Variants in KAZN observed in about 807,000 individuals in gnomAD.
The protein encoded by KAZN is kazrin, periplakin interacting protein, also known as kazrin.
KAZN carries 40 observed loss-of-function variants against 87.4 expected under a neutral mutation model. The ratio of observed to expected loss-of-function variants is 0.46; its 90% CI spans 0.36 to 0.60. The LOEUF (loss-of-function observed/expected upper bound fraction) is 0.60. Ranked by LOEUF, KAZN falls within the 20% of genes least tolerant of loss-of-function variation. KAZN has a pLI of 0.00. For synonymous variants in KAZN, 466 were observed against 458.3 expected, an observed-to-expected ratio of 1.02 and a Z score of -0.22; for missense variants, 898 against 1,073.9, an observed-to-expected ratio of 0.84 and a Z score of 2.29.
At chr1:14,883,392 AAAGAAAGAAAGAAAGAAAGAAAG>A (rs1163672206) in intron 1 of KAZN, among the ~76,000 whole-genome samples, 5 of 135,624 alleles carry the variant, frequency 3.7e-5, no homozygotes, top group African/African-American at 1.2e-4. Context: ...AGAAAGAAAG[AAAGAAAGAAAGAAAGAAAGAAAG>A]AAAGAAAGAA....
chr1:14,054,210 G>T (rs774474452), intron 1 of KAZN, among the ~76,000 whole-genome samples: 4 of 151,828 alleles, frequency 2.6e-5, no homozygotes, highest in Non-Finnish European at 5.9e-5. Flanking sequence ...TCAAACTTAT[G>T]TTGTTCTAAG....
chr1:14,417,219 A>G (rs1265595839), intron 2 of KAZN, among the ~76,000 whole-genome samples: 2 of 151,850 alleles, frequency 1.3e-5, no homozygotes, highest in Non-Finnish European at 2.9e-5. Context: ...AAAAACAATA[A>G]TCCTAGGTAC....
intron 2 of KAZN, among the ~76,000 whole-genome samples, chr1:14,334,171 G>C (rs954003554): frequency 2.0e-5 from 3 of 151,952 alleles, no homozygotes; most frequent in South Asian, 2.1e-4. Flanking sequence ...TTCTAGACCA[G>C]CCTGACCAAC....
At chr1:14,297,123 A>C (rs139259866) in intron 2 of KAZN, among the ~76,000 whole-genome samples, 2 of 152,194 alleles carry the variant, frequency 1.3e-5, no homozygotes, top group African/African-American at 4.8e-5. Context: ...GCTTACATAG[A>C]GGGGCTTATT....
chr1:14,145,297 T>G (rs1645322067), intron 1 of KAZN, among the ~76,000 whole-genome samples: 1 of 151,994 alleles, frequency 6.6e-6, no homozygotes, highest in Admixed American at 6.6e-5. Flanking sequence ...ATTTAAAAAT[T>G]AGCCGGGCAT....
At chr1:14,839,412 C>T (rs1647667581) in intron 1 of KAZN, among the ~76,000 whole-genome samples, 1 of 152,140 alleles carries the variant, frequency 6.6e-6, no homozygotes, top group South Asian at 2.1e-4. Context: ...CTGGCATAAA[C>T]ATTCAATAAA....
chr1:14,128,801 G>T (rs889523562), intron 1 of KAZN, among the ~76,000 whole-genome samples: 11 of 152,150 alleles, frequency 7.2e-5, no homozygotes, highest in Admixed American at 6.5e-4. Flanking sequence ...GAGACTGGAA[G>T]CCACCCCAGA....
At chr1:15,059,137 G>A (rs1459574938) in intron 5 of KAZN, among the ~76,000 whole-genome samples, 1 of 148,640 alleles carries the variant, frequency 6.7e-6, no homozygotes, top group Admixed American at 6.7e-5. Context: ...GAGTCTTGCT[G>A]TGTTGCCCAG....
Position 14,373,475 on chromosome 1 carries a change from T to C in KAZN, c.249+192883T>C, listed in dbSNP as rs559736791. 5.9e-4 allele frequency among the ~76,000 whole-genome samples: 90 copies of C among 152,242 alleles called. No homozygotes were observed. The South Asian group carries it at 0.018, about 31-fold the overall frequency. ...TCTTCTGCCTTTTTGTCAATAAATA[T>C]TCAGACCCTCACTTTGGGAAGGGCA... On this transcript the variant is annotated intron_variant, in intron 2 of 16. Coordinates refer to the KAZN transcript ENST00000636203.
intron 2 of KAZN, among the ~76,000 whole-genome samples, chr1:14,985,363 C>T (rs533833305): frequency 6.7e-6 from 1 of 150,030 alleles, no homozygotes; most frequent in African/African-American, 2.5e-5. Flanking sequence ...GACCTTGTCT[C>T]TATAAAACAT....
intron 3 of KAZN, among the ~76,000 whole-genome samples, chr1:15,035,843 T>TA (rs1053126915): frequency 5.3e-5 from 8 of 152,132 alleles, no homozygotes; most frequent in African/African-American, 1.9e-4. Context: ...GCCTCTGTTT[T>TA]CTGCCCTGCG....
intron 2 of KAZN, among the ~76,000 whole-genome samples, chr1:14,338,711 C>A (rs1657464605): frequency 6.6e-6 from 1 of 152,180 alleles, no homozygotes; most frequent in African/African-American, 2.4e-5. Flanking sequence ...TGTGTTCAAT[C>A]TGGCAGGGTA....
intron 1 of KAZN, among the ~76,000 whole-genome samples, chr1:13,977,112 G>C (rs1238813231): frequency 6.6e-6 from 1 of 152,206 alleles, no homozygotes. Flanking sequence ...AGAGGAGGTA[G>C]AGAGATCCTT....
intron 2 of KAZN, among the ~76,000 whole-genome samples, chr1:14,395,950 C>T (rs1209518030): frequency 2.6e-5 from 4 of 151,976 alleles, no homozygotes; most frequent in African/African-American, 4.8e-5. Flanking sequence ...AGGTAGATCA[C>T]GAGGTCAGAC....
chr1:14,487,105 A>G (rs1051930000), intron 2 of KAZN, among the ~76,000 whole-genome samples: 2 of 152,162 alleles, frequency 1.3e-5, no homozygotes, highest in African/African-American at 4.8e-5. Flanking sequence ...AGGACACTGG[A>G]CTAAATCAAC....
chr1:14,959,157 G>A (rs1663533924), intron 1 of KAZN, among the ~76,000 whole-genome samples: 2 of 152,186 alleles, frequency 1.3e-5, no homozygotes, highest in Non-Finnish European at 1.5e-5. Context: ...TAGCAGTGAT[G>A]GACACAGACA....
intron 1 of KAZN, among the ~76,000 whole-genome samples, chr1:14,113,724 T>C (rs1319832641): frequency 4.6e-5 from 7 of 152,220 alleles, no homozygotes; most frequent in African/African-American, 1.4e-4. Flanking sequence ...CTGAGCTCTG[T>C]CCAAGCTCCA....
Position 14,450,126 on chromosome 1 carries a change from C to CA in KAZN, c.250-148857_250-148856insA, listed in dbSNP as rs1317166835. On this transcript the variant is annotated intron_variant, in intron 2 of 16. Transcript: ENST00000636203. ...AGATGCTGGGGAGAGTGCTGCCCCC[C>CA]CGCCTGCAGTCTCTCTCTGCCTGTC... is the stretch of plus-strand genomic sequence containing the variant. Among the ~76,000 whole-genome samples the CA allele has an allele frequency of 1.3e-4, 17 of 131,318 alleles. No homozygotes were observed. The East Asian group carries it at 2.8e-3, about 22-fold the overall frequency. 86.1% of individuals were successfully genotyped at this position (131,318 alleles called of 152,430 possible). A position where few individuals can be genotyped will look rare whatever the true frequency, so the allele number is the denominator to read the frequency against.
At chr1:14,740,918 T>A (rs1207403928) in intron 1 of KAZN, among the ~76,000 whole-genome samples, 2 of 152,212 alleles carry the variant, frequency 1.3e-5, no homozygotes, top group Non-Finnish European at 2.9e-5. Context: ...TGACAGACAC[T>A]TTCCCTCCAT....
Sources: allele counts gnomAD v4.1 joint callset (sites outside exome capture counted in the v4.1 genomes callset), GRCh38; gene constraint gnomAD v4.1.1; transcripts MANE v1.5; gene names NCBI Gene and HGNC (gene_info 2026-07-23, HGNC 2026-07-21).